Variants in C1QTNF7 observed in about 807,000 individuals in gnomAD.
C1QTNF7 encodes the protein C1q and TNF related 7.
In C1QTNF7, 15 loss-of-function variants were observed where a neutral mutation model predicts 19.6. That is an observed-to-expected ratio of 0.76 (90% CI 0.51 to 1.18). The LOEUF (loss-of-function observed/expected upper bound fraction) is 1.18. C1QTNF7 is among the 50% of genes most tolerant of loss of function. The pLI, the probability that C1QTNF7 is intolerant of heterozygous loss-of-function variation, is 0.00. For missense variants in C1QTNF7, 324 were observed against 359.7 expected (o/e 0.90, Z 0.80); for synonymous variants, 142 against 137.5 (o/e 1.03, Z -0.23).
chr4:15,411,845 C>T (rs1286103607), intron 1 of C1QTNF7, among the ~76,000 whole-genome samples: 3 of 152,230 alleles, frequency 2.0e-5, no homozygotes, highest in South Asian at 2.1e-4. Context: ...TGTTTCCTTG[C>T]CTTTTCTATC....
intron 1 of C1QTNF7, among the ~76,000 whole-genome samples, chr4:15,395,567 G>A (rs1187948990): frequency 1.3e-5 from 2 of 152,144 alleles, no homozygotes; most frequent in Admixed American, 1.3e-4. Context: ...AGTTAAAAGA[G>A]GCCAGTATAC....
chr4:15,340,759 G>A (rs1190740361), intron 1 of C1QTNF7, among the ~76,000 whole-genome samples: 1 of 152,098 alleles, frequency 6.6e-6, no homozygotes, highest in African/African-American at 2.4e-5. Flanking sequence ...GACACGGGAG[G>A]ATGTTACAGA....
chr4:15,421,168 T>C (rs968556250), intron 1 of C1QTNF7, among the ~76,000 whole-genome samples: 2 of 151,942 alleles, frequency 1.3e-5, no homozygotes, highest in African/African-American at 4.8e-5. Context: ...AATGTTCAAA[T>C]AGACCGAGAT....
intron 1 of C1QTNF7, among the ~76,000 whole-genome samples, chr4:15,403,306 T>G (rs1719062110): frequency 6.6e-6 from 1 of 152,198 alleles, no homozygotes; most frequent in South Asian, 2.1e-4. Context: ...AGTAATGCTG[T>G]ATTAGTTTCC....
rs377092072 is a variant in C1QTNF7 at position 15,434,149 on chromosome 4, G to A, written c.-8-1587G>A. Among the ~76,000 whole-genome samples, 69 of 151,932 alleles carry A rather than the reference G, an allele frequency of 4.5e-4. 1 individual carries two copies. The East Asian group carries it at 4.6e-3, about 10-fold the overall frequency. On this transcript the variant is annotated intron_variant, in intron 1 of 2. Transcript: ENST00000444304. ...CAAAAATGTCTACCAGACAGGGCATGGCAAAAATGTTCTCCTTGCTTTTTT... is the reference window on the plus strand; with the variant it reads ...CAAAAATGTCTACCAGACAGGGCATAGCAAAAATGTTCTCCTTGCTTTTTT...
At chr4:15,391,614 C>T (rs774603305) in intron 1 of C1QTNF7, among the ~76,000 whole-genome samples, 12 of 152,140 alleles carry the variant, frequency 7.9e-5, no homozygotes, top group Non-Finnish European at 1.5e-4. Context: ...TAATGCGAGT[C>T]CCAGTGCCCT....
intron 1 of C1QTNF7, among the ~76,000 whole-genome samples, chr4:15,434,141 C>T (rs1177900140): frequency 2.7e-5 from 4 of 150,762 alleles, no homozygotes; most frequent in African/African-American, 9.7e-5. Flanking sequence ...GTCTACCAGA[C>T]AGGGCATGGC....
rs145536021 is a variant in C1QTNF7 at position 15,413,825 on chromosome 4, G to A, written c.14-21911G>A. 2.6e-4 allele frequency among the ~76,000 whole-genome samples: 39 copies of A among 152,268 alleles called. No individual in the cohort carries two copies. The East Asian group carries it at 7.1e-3, about 28-fold the overall frequency. On this transcript the variant is annotated intron_variant, in intron 1 of 2. Transcript: ENST00000295297. The stretch of plus-strand genomic sequence containing the variant: ...CTCAAGTTGACAACCACAATACCGC[G>A]TGATCCTTACTCAGCCCCTACAAAG...
intron 1 of C1QTNF7, among the ~76,000 whole-genome samples, chr4:15,429,949 A>G (rs1202169964): frequency 6.6e-6 from 1 of 152,196 alleles, no homozygotes; most frequent in African/African-American, 2.4e-5. Context: ...ACACTGGGGA[A>G]AAAATAATAT....
rs1711780596 is a variant in C1QTNF7, at chr4:15,421,856, A to G, written c.14-13880A>G. On this transcript the variant is annotated intron_variant, in intron 1 of 2. Transcript: ENST00000295297. ...TTGTGGTACAACCGTACAATGGAATACTATTCAGCAATGAAAGAAACATGC... is the reference window on the plus strand; with the variant it reads ...TTGTGGTACAACCGTACAATGGAATGCTATTCAGCAATGAAAGAAACATGC... 2.0e-5 allele frequency among the ~76,000 whole-genome samples: 3 copies of G among 152,226 alleles called. No individual in the cohort carries two copies. In the South Asian group the frequency reaches 6.2e-4, roughly 31 times the overall value.
chr4:15,361,538 C>G (rs985234014), intron 1 of C1QTNF7, among the ~76,000 whole-genome samples: 1 of 152,052 alleles, frequency 6.6e-6, no homozygotes, highest in African/African-American at 2.4e-5. Flanking sequence ...ACCATATATA[C>G]AGAAGGTCCA....
At chr4:15,378,481 A>C (rs1332664679) in intron 1 of C1QTNF7, among the ~76,000 whole-genome samples, 1 of 152,244 alleles carries the variant, frequency 6.6e-6, no homozygotes, top group Non-Finnish European at 1.5e-5. Flanking sequence ...TCATTCTTTC[A>C]TTCAATGTTC....
At chr4:15,439,077 C>T (rs2108940968) in intron 2 of C1QTNF7, among the ~76,000 whole-genome samples, 1 of 152,252 alleles carries the variant, frequency 6.6e-6, no homozygotes, top group Non-Finnish European at 1.5e-5. Context: ...TAGACTAACT[C>T]TTACCCCCAT....
chr4:15,347,051 T>C (rs774111086), intron 1 of C1QTNF7, among the ~76,000 whole-genome samples: 1 of 152,234 alleles, frequency 6.6e-6, no homozygotes, highest in Non-Finnish European at 1.5e-5. Flanking sequence ...ATGGCAACTT[T>C]ATATGATCCC....
chr4:15,425,970 T>C (rs1712028518), upstream of C1QTNF7, among the ~76,000 whole-genome samples: 1 of 152,144 alleles, frequency 6.6e-6, no homozygotes, highest in African/African-American at 2.4e-5. Context: ...GTCAGATTGT[T>C]AGCTTGAAAT....
intron 1 of C1QTNF7, among the ~76,000 whole-genome samples, chr4:15,368,232 G>A (rs972716904): frequency 6.6e-6 from 1 of 152,008 alleles, no homozygotes; most frequent in Non-Finnish European, 1.5e-5. Flanking sequence ...GTGGTTGGAT[G>A]TATCAGTTGT....
intron 1 of C1QTNF7, among the ~76,000 whole-genome samples, chr4:15,366,786 C>A (rs1404317487): frequency 6.6e-6 from 1 of 152,312 alleles, no homozygotes; most frequent in South Asian, 2.1e-4. Flanking sequence ...ATATCCTTAT[C>A]CTGAATGATC....
chr4:15,396,308 C>T (rs1718776597), intron 1 of C1QTNF7, among the ~76,000 whole-genome samples: 1 of 152,144 alleles, frequency 6.6e-6, no homozygotes, highest in African/African-American at 2.4e-5. Context: ...GATTGAGAGG[C>T]TCTGGCTGTG....
chr4:15,419,908 G>A (rs1191843767), intron 1 of C1QTNF7: 1 of 152,118 alleles, frequency 6.6e-6, no homozygotes, highest in Non-Finnish European at 1.5e-5. Flanking sequence ...ATCCTTGCCA[G>A]TGGTGGGGTG....
Sources: allele counts gnomAD v4.1 joint callset (sites outside exome capture counted in the v4.1 genomes callset), GRCh38; gene constraint gnomAD v4.1.1; transcripts MANE v1.5; gene names NCBI Gene and HGNC (gene_info 2026-07-23, HGNC 2026-07-21).